Variants in STAT2 observed in about 807,000 individuals in gnomAD.
STAT2 encodes the protein signal transducer and activator of transcription 2, also known as interferon alpha induced transcriptional activator.
A neutral mutation model predicts 122.3 loss-of-function variants in STAT2; 51 were observed. The ratio of observed to expected loss-of-function variants is 0.42; its 90% CI spans 0.33 to 0.53. The LOEUF is 0.53. Ranked by LOEUF, STAT2 falls within the 20% of genes least tolerant of loss-of-function variation. STAT2 has a pLI of 0.10. For synonymous variants in STAT2, 351 were observed against 394.9 expected (o/e 0.89, Z 1.32); for missense variants, 736 against 1,010.3 (o/e 0.73, Z 3.68).
At chr12:56,344,740 C>T (rs1877093852) in intron 22 of STAT2, among the ~76,000 whole-genome samples, 1 of 152,114 alleles carries the variant, frequency 6.6e-6, no homozygotes, top group Non-Finnish European at 1.5e-5. Context: ...GGTGCAGAGG[C>T]TCACGCCTGT....
chr12:56,347,371 C>G (rs927197733), intron 19 of STAT2, among the ~76,000 whole-genome samples: 2 of 151,808 alleles, frequency 1.3e-5, no homozygotes, highest in Non-Finnish European at 2.9e-5. Flanking sequence ...TTGTATTTTT[C>G]GTAGAGACGG....
rs748082679 is a variant in STAT2, at chr12:56,343,386, T to C, written c.*3A>G. 3.1e-6 allele frequency: 5 copies of C among 1,611,536 alleles called. No homozygotes were observed. In the Admixed American group the frequency reaches 8.4e-5, roughly 27 times the overall value. ...TATGAAAAGAACAGAGGAAATGTGG[T>C]TCCTAGAAGTCAGAAGGCATCAAGG... On this transcript the variant is annotated 3_prime_UTR_variant, in exon 24 of 24. Transcript: ENST00000314128.
At position 56,354,872 on chromosome 12, in the gene STAT2, T is replaced by C. The variant is rs1879268716; in HGVS notation, c.548-9A>G. On this transcript the variant is annotated splice_polypyrimidine_tract_variant and intron_variant, in intron 6 of 23. Coordinates refer to ENST00000314128, the MANE Select transcript of STAT2 (RefSeq NM_005419.4). ...CAGAGAGGGTGTCTTCCCTGGATGG[T>C]GGGAACAGGAGTCAGTCCAGGGGTT... 6.2e-7 allele frequency: 1 copy of C among 1,613,782 alleles called. No homozygotes were observed.
At position 56,350,407 on chromosome 12, in the gene STAT2, C is replaced by T. The variant is rs1393033796; in HGVS notation, c.1115+5G>A. 1.2e-6 allele frequency: 2 copies of T among 1,606,638 alleles called. No individual in the cohort carries two copies. The highest frequency in any genetic ancestry group is 1.7e-6 in the Non-Finnish European group (2 of 1,177,530). ...ATGTTTGCAGTGTCCTTGTCAAGCACCTACCCTTGTAATTGAGGAGGATTC... is the reference window on the plus strand; with the variant it reads ...ATGTTTGCAGTGTCCTTGTCAAGCATCTACCCTTGTAATTGAGGAGGATTC... On this transcript the variant is annotated splice_donor_5th_base_variant and intron_variant, in intron 12 of 23. Transcript: ENST00000314128.
Position 56,344,136 on chromosome 12 carries a change from C to A in STAT2, c.2103-1G>T. ...CGGTTGTTGCAGTTCATCCACCTGT[C>A]TGGATACCCAAAGACAGACAAAGGG... On this transcript the variant is annotated splice_acceptor_variant, in intron 22 of 23. Coordinates refer to ENST00000314128, the MANE Select transcript of STAT2 (RefSeq NM_005419.4). LOFTEE classifies it high-confidence loss of function. 1 of 1,550,936 alleles carries A rather than the reference C, an allele frequency of 6.4e-7. No homozygotes were observed. Among genetic ancestry groups the A allele is most frequent in the South Asian group, 1.2e-5 (1 of 84,936 alleles).
At chr12:56,350,716 A>C in intron 11 of STAT2, 113 bp downstream of exon 11, 13 of 1,135,696 alleles carry the variant, frequency 1.1e-5, no homozygotes, top group Non-Finnish European at 1.7e-5. Context: ...AATTTCTGTG[A>C]GGTAGGATTG....
Position 56,350,430 on chromosome 12 carries a change from T to C in STAT2, c.1097A>G (p.Asn366Ser). Reference protein sequence around the residue: ...SLTVEVSIDRNPPQLQGFRKF... With the variant: ...SLTVEVSIDRSPPQLQGFRKF... ...CACCTACCCTTGTAATTGAGGAGGATTCCTGAAAAGAAATAAATTTAAAAA... is the reference window on the plus strand; with the variant it reads ...CACCTACCCTTGTAATTGAGGAGGACTCCTGAAAAGAAATAAATTTAAAAA... The change falls in exon 12 of 24, where the codon AAT becomes AGT. Residue 366 changes from asparagine (N) to serine (S), a missense_variant and splice_region_variant. Physicochemically the swap from Asn to Ser is conservative, Grantham distance 46 (BLOSUM62 1). Coordinates refer to ENST00000314128, the MANE Select transcript of STAT2 (RefSeq NM_005419.4). The C allele has an allele frequency of 6.2e-7, 1 of 1,606,158 alleles. No individual in the cohort carries two copies. The highest frequency in any genetic ancestry group is 8.5e-7 in the Non-Finnish European group (1 of 1,177,400).
intron 8 of STAT2, among the ~76,000 whole-genome samples, chr12:56,351,957 A>G (rs554524637): frequency 6.6e-6 from 1 of 151,866 alleles, no homozygotes; most frequent in South Asian, 2.1e-4. Context: ...CAATGGTGTG[A>G]TCTTGGCTCA....
rs745864117 is a variant in STAT2 at position 56,348,087 on chromosome 12, GT to G, written c.1724+441del. ...ACACTGTTTATGGCTATTATTGGTT[GT>G]TTTTTTTTTTTTTTTTTTGAGACGG... On this transcript the variant is annotated intron_variant, in intron 19 of 23. Coordinates refer to ENST00000314128, the MANE Select transcript of STAT2 (RefSeq NM_005419.4). 2.5e-3 allele frequency among the ~76,000 whole-genome samples: 293 copies of G among 119,572 alleles called. 1 individual carries two copies. The highest frequency in any genetic ancestry group is 0.018 in the Middle Eastern group (4 of 226). 78.4% of individuals were successfully genotyped at this position (119,572 alleles called of 152,430 possible).
At chr12:56,352,369 T>G (rs79079230) in intron 8 of STAT2, 2 of 139,634 alleles carry the variant, frequency 1.4e-5, no homozygotes, top group Non-Finnish European at 3.1e-5. Context: ...TTTTTTTTTT[T>G]TTGGTGGGGG....
chr12:56,354,016 A>AAAATATATATATATATATAT (rs71081350), intron 8 of STAT2, among the ~76,000 whole-genome samples: 1 of 16,698 alleles, frequency 6.0e-5, no homozygotes, highest in Non-Finnish European at 1.6e-4. Flanking sequence ...AAAAAAAAAA[A>AAAATATATATATATATATAT]ATATATATAT....
intron 22 of STAT2, among the ~76,000 whole-genome samples, chr12:56,345,172 CAAAAA>C (rs35648397): frequency 3.7e-5 from 1 of 27,146 alleles, no homozygotes; most frequent in African/African-American, 1.7e-4. Flanking sequence ...GAGACTGTCT[CAAAAA>C]AAAAAAAAAA....
At chr12:56,357,252 C>T (rs1427115114) in intron 1 of STAT2, among the ~76,000 whole-genome samples, 1 of 151,648 alleles carries the variant, frequency 6.6e-6, no homozygotes, top group Admixed American at 6.6e-5. Context: ...GTTGGCCAGG[C>T]TGGTCTCAAA....
At chr12:56,358,886 ACT>A (rs1381716566) in intron 1 of STAT2, among the ~76,000 whole-genome samples, 1 of 152,034 alleles carries the variant, frequency 6.6e-6, no homozygotes, top group East Asian at 1.9e-4. Flanking sequence ...ACAAAGCAAG[ACT>A]CTGTCTCAAA....
rs1876963073 is a variant in STAT2, at chr12:56,343,951, T to C, written c.2287A>G (p.Ile763Val). The C allele has an allele frequency of 6.2e-7, 1 of 1,614,024 alleles. No homozygotes were observed. Among genetic ancestry groups the C allele is most frequent in the Non-Finnish European group, 8.5e-7 (1 of 1,180,026 alleles). Residue 763 changes from isoleucine to valine, a missense_variant, in exon 23 of 24, where the codon ATA becomes GTA. Transcript: ENST00000314128. ...GATACCATGCATAGTGTGGGCTCTA[T>C]CACAGGCTCCAGAGTGGACTCCAGC... ...SVLESTLEPVIEPTLCMVSQT... is the reference protein window; with the variant it reads ...SVLESTLEPVVEPTLCMVSQT...
intron 3 of STAT2, 50 bp downstream of exon 3, chr12:56,356,082 C>A (rs750841140): frequency 2.5e-5 from 40 of 1,595,992 alleles, no homozygotes; most frequent in Non-Finnish European, 3.2e-5. Context: ...CCTTACTCCT[C>A]TATGCTCAGC....
intron 8 of STAT2, 103 bp from the exon 9 acceptor site, chr12:56,351,553 T>C: frequency 1.6e-6 from 2 of 1,240,456 alleles, no homozygotes; most frequent in Admixed American, 2.5e-5. Context: ...AGAAACTGAC[T>C]GGGGGGAAGA....
chr12:56,345,526 T>A (rs2855316), intron 22 of STAT2, among the ~76,000 whole-genome samples: 3,011 of 27,436 alleles, frequency 0.11, 273 homozygotes, highest in Non-Finnish European at 0.16. Flanking sequence ...AAAAAAAAAA[T>A]ATATATATAT....
chr12:56,353,690 T>C (rs78522507), intron 8 of STAT2, among the ~76,000 whole-genome samples: 238 of 151,900 alleles, frequency 1.6e-3, no homozygotes, highest in African/African-American at 5.4e-3. Flanking sequence ...AGAAATAACA[T>C]GGATAAATAT....
Sources: gnomAD v4.1 joint callset for allele counts (sites outside exome capture counted in the v4.1 genomes callset) on GRCh38, gnomAD v4.1.1 for gene constraint, MANE v1.5 for transcripts, NCBI Gene and HGNC (gene_info 2026-07-23, HGNC 2026-07-21) for gene names.